Variants in PMEPA1 observed in about 807,000 individuals in gnomAD.
PMEPA1 encodes prostate transmembrane protein, androgen induced 1.
Under a neutral mutation model 23.0 loss-of-function variants are expected in PMEPA1, and 11 were observed. The ratio of observed to expected loss-of-function variants is 0.48; its 90% CI spans 0.30 to 0.79. The LOEUF (loss-of-function observed/expected upper bound fraction) is 0.79, where lower values mean the gene tolerates loss of function less well. PMEPA1 is among the 30% of genes least tolerant of loss of function. The pLI, the probability that PMEPA1 is intolerant of heterozygous loss-of-function variation, is 0.06. For missense variants in PMEPA1, 377 were observed against 390.9 expected (o/e 0.96, Z 0.30); for synonymous variants, 204 against 166.4 (o/e 1.23, Z -1.74).
At chr20:57,666,361 G>T (rs1398174747) in intron 1 of PMEPA1, among the ~76,000 whole-genome samples, 6 of 152,082 alleles carry the variant, frequency 3.9e-5, no homozygotes, top group Non-Finnish European at 4.4e-5. Context: ...AACCCTTTAT[G>T]CACATCATCT....
At chr20:57,659,749 T>A in intron 1 of PMEPA1, 52 bp from the exon 2 acceptor site, 1 of 1,519,044 alleles carries the variant, frequency 6.6e-7, no homozygotes, top group Non-Finnish European at 8.9e-7. Flanking sequence ...CAGGTCGCTG[T>A]GCTCAGGGCT....
chr20:57,675,081 A>G (rs1034321118), intron 1 of PMEPA1, among the ~76,000 whole-genome samples: 2 of 152,152 alleles, frequency 1.3e-5, no homozygotes, highest in Non-Finnish European at 2.9e-5. Context: ...CCCAGGAAGT[A>G]CGCTTGTCTT....
chr20:57,710,613 A>C, upstream of PMEPA1: 1 of 747,200 alleles, frequency 1.3e-6, no homozygotes, highest in Non-Finnish European at 2.1e-6. Context: ...AGCCCTTGTC[A>C]TGTAAATAGC....
rs374087622 is a variant in PMEPA1, at chr20:57,671,263, T to C, written c.110-11566A>G. ...GAACTCACAGTGAGCGAGCAGTCAG[T>C]GGACATGTCGGAGGTGCATAACATC... is the stretch of plus-strand genomic sequence containing the variant. On this transcript the variant is annotated intron_variant, in intron 1 of 3. Coordinates refer to ENST00000341744, the MANE Select transcript of PMEPA1 (RefSeq NM_020182.5). Among the ~76,000 whole-genome samples, 21 of 152,282 alleles carry C rather than the reference T, an allele frequency of 1.4e-4. No homozygotes were observed. The East Asian group carries it at 1.7e-3, about 13-fold the overall frequency.
chr20:57,701,179 C>CA (rs1270780271), intron 1 of PMEPA1, among the ~76,000 whole-genome samples: 1 of 152,064 alleles, frequency 6.6e-6, no homozygotes, highest in African/African-American at 2.4e-5. Flanking sequence ...TTCCCATTAA[C>CA]AACAGGTACA....
chr20:57,666,738 G>A (rs2071498052), intron 1 of PMEPA1, among the ~76,000 whole-genome samples: 2 of 152,206 alleles, frequency 1.3e-5, no homozygotes, highest in South Asian at 4.1e-4. Flanking sequence ...CGGTGAGGAA[G>A]GAAGCGGGTG....
In PMEPA1 at chr20:57,672,307, C is replaced by T. The variant is rs952254906; in HGVS notation, c.110-12610G>A. The stretch of plus-strand genomic sequence containing the variant: ...GCACCTCGTGCTCCTTGGTAACCAG[C>T]AGATGTTTCTCTCAATTACTGATTT... On this transcript the variant is annotated intron_variant, in intron 1 of 3. Coordinates refer to ENST00000341744, the MANE Select transcript of PMEPA1 (RefSeq NM_020182.5). Among the ~76,000 whole-genome samples, 36 of 152,376 alleles carry T rather than the reference C, an allele frequency of 2.4e-4. 1 individual carries two copies. The highest frequency in any genetic ancestry group is 2.0e-3 in the Admixed American group (30 of 15,310).
chr20:57,659,652 A>C lies in PMEPA1; in HGVS notation c.155T>G (p.Met52Arg). 6.2e-7 allele frequency: 1 copy of C among 1,607,752 alleles called. No individual in the cohort carries two copies. The highest frequency in any genetic ancestry group is 8.5e-7 in the Non-Finnish European group (1 of 1,177,130). Residue 52 changes from methionine (M) to arginine (R), a missense_variant, in exon 2 of 4, where the codon ATG becomes AGG. By Grantham distance (91) the Met-to-Arg change is moderately conservative (BLOSUM62 -1). Transcript: ENST00000341744. ...GCACGTGATCACCACCACCATCACCATCATCACCACCACGATGATGATGAT... is the reference window on the plus strand; with the variant it reads ...GCACGTGATCACCACCACCATCACCCTCATCACCACCACGATGATGATGAT... Reference protein sequence around the residue: ...VQIIIIVVVMMVMVVVITCLL... With the variant: ...VQIIIIVVVMRVMVVVITCLL...
intron 1 of PMEPA1, among the ~76,000 whole-genome samples, chr20:57,680,391 G>C (rs1568976116): frequency 6.6e-6 from 1 of 152,186 alleles, no homozygotes. Context: ...GGAAACACTT[G>C]TGGTTGCCAC....
chr20:57,690,366 T>A, intron 1 of PMEPA1: 4 of 1,147,062 alleles, frequency 3.5e-6, no homozygotes, highest in Non-Finnish European at 4.7e-6. Context: ...CAAATGCTCC[T>A]GAGAATATCC....
intron 1 of PMEPA1, among the ~76,000 whole-genome samples, chr20:57,688,372 GGCAGGCTGTTGAGTT>G (rs2071829944): frequency 7.6e-6 from 1 of 132,228 alleles, no homozygotes; most frequent in Non-Finnish European, 1.6e-5. Context: ...TTCTGGGCAT[GGCAGGCTGTTGAGTT>G]GCATCCCTGG....
intron 1 of PMEPA1, among the ~76,000 whole-genome samples, chr20:57,681,534 C>T (rs964759217): frequency 1.3e-5 from 2 of 152,136 alleles, no homozygotes; most frequent in African/African-American, 4.8e-5. Context: ...AAGAAGGGAA[C>T]GGCCCTCCCA....
In PMEPA1 at chr20:57,664,323, C is replaced by T. The variant is rs563640200; in HGVS notation, c.110-4626G>A. Among the ~76,000 whole-genome samples, 82 of 152,310 alleles carry T rather than the reference C, an allele frequency of 5.4e-4. 1 individual carries two copies. The highest frequency in any genetic ancestry group is 1.6e-3 in the African/African-American group (67 of 41,586). ...AGACTCAGCATGCGGGCCTCTACGA[C>T]GCACTGATCAGGGCCCACTCAGGCC... is the stretch of plus-strand genomic sequence containing the variant. On this transcript the variant is annotated intron_variant, in intron 1 of 3. Coordinates refer to ENST00000341744, the MANE Select transcript of PMEPA1 (RefSeq NM_020182.5).
chr20:57,667,950 C>T (rs1338248568), intron 1 of PMEPA1, among the ~76,000 whole-genome samples: 3 of 152,214 alleles, frequency 2.0e-5, no homozygotes, highest in African/African-American at 4.8e-5. Flanking sequence ...ACACCCCCGA[C>T]GGCATGTCTA....
intron 1 of PMEPA1, among the ~76,000 whole-genome samples, chr20:57,691,423 G>GC (rs1171709934): frequency 1.3e-5 from 2 of 152,088 alleles, no homozygotes; most frequent in African/African-American, 4.8e-5. Flanking sequence ...ACCAGTCAAG[G>GC]CCCCAGACTG....
rs951796859 is a variant in PMEPA1, at chr20:57,655,015, C to T, written c.265-1929G>A. On this transcript the variant is annotated intron_variant, in intron 2 of 3. Transcript: ENST00000341744. The surrounding 1 kb of genome is among the most constrained non-coding windows in gnomAD (Gnocchi z 4.2). Reference sequence around the variant, plus strand: ...CCGCTGCCTCCAGGAGAGAAAGTTCCAACCCCTTACCGAGGCCCATACCCC... The same window carrying T: ...CCGCTGCCTCCAGGAGAGAAAGTTCTAACCCCTTACCGAGGCCCATACCCC... Among the ~76,000 whole-genome samples, 1 of 151,618 alleles carries T rather than the reference C, an allele frequency of 6.6e-6. No homozygotes were observed. The highest frequency in any genetic ancestry group is 2.4e-5 in the African/African-American group (1 of 41,138).
At chr20:57,690,297 G>A in intron 1 of PMEPA1, 2 of 611,002 alleles carry the variant, frequency 3.3e-6, no homozygotes, top group South Asian at 1.5e-5. Context: ...GGGGGGCCGG[G>A]CCCAGTGCCT....
chr20:57,692,883 A>G (rs1202523931), intron 1 of PMEPA1, among the ~76,000 whole-genome samples: 1 of 152,172 alleles, frequency 6.6e-6, no homozygotes. Flanking sequence ...TAATAGGACT[A>G]TTTTCCATCT....
intron 1 of PMEPA1, among the ~76,000 whole-genome samples, chr20:57,676,143 G>A (rs969366510): frequency 2.6e-5 from 4 of 152,234 alleles, no homozygotes; most frequent in African/African-American, 9.6e-5. Context: ...TCGAGATGGG[G>A]ACACAGCAAA....
Sources: gnomAD v4.1 joint callset for allele counts (sites outside exome capture counted in the v4.1 genomes callset) on GRCh38, gnomAD v4.1.1 for gene constraint, Gnocchi (gnomAD v3.1) non-coding constraint, MANE v1.5 for transcripts, NCBI Gene and HGNC (gene_info 2026-07-23, HGNC 2026-07-21) for gene names.